Variants in ABLIM1 observed in about 807,000 individuals in gnomAD.
The protein encoded by ABLIM1 is actin binding LIM protein 1.
Under a neutral mutation model 107.0 loss-of-function variants are expected in ABLIM1, and 40 were observed. The ratio of observed to expected loss-of-function variants is 0.37; its 90% CI spans 0.29 to 0.49. The LOEUF (loss-of-function observed/expected upper bound fraction) is 0.49. ABLIM1 is among the 20% of genes least tolerant of loss of function. The pLI, the probability that ABLIM1 is intolerant of heterozygous loss-of-function variation, is 0.97. For missense variants in ABLIM1, 857 were observed against 1,008.5 expected, an observed-to-expected ratio of 0.85 and a Z score of 2.04; for synonymous variants, 357 against 357.3, an observed-to-expected ratio of 1.00 and a Z score of 0.01.
chr10:114,637,648 G>C (rs775093548), intron 1 of ABLIM1, among the ~76,000 whole-genome samples: 1 of 151,994 alleles, frequency 6.6e-6, no homozygotes, highest in Non-Finnish European at 1.5e-5. Flanking sequence ...AAATTACTAC[G>C]GTATATTTAA....
At chr10:114,445,183 T>C in intron 16 of ABLIM1, 129 bp downstream of exon 16, 1 of 787,398 alleles carries the variant, frequency 1.3e-6, no homozygotes, top group East Asian at 2.5e-5. Context: ...GCCTGCCAGA[T>C]TTCAAGCCCC....
At chr10:114,507,836 A>G (rs1262499017) in intron 6 of ABLIM1, among the ~76,000 whole-genome samples, 1 of 152,206 alleles carries the variant, frequency 6.6e-6, no homozygotes, top group East Asian at 1.9e-4. Context: ...AGGCTGTGCA[A>G]CCTAGGCTGA....
intron 2 of ABLIM1, among the ~76,000 whole-genome samples, chr10:114,575,840 T>A (rs2072455900): frequency 6.6e-6 from 1 of 152,162 alleles, no homozygotes; most frequent in African/African-American, 2.4e-5. Context: ...TGTCTAAAAT[T>A]CTGAGATAAT....
chr10:114,607,255 T>C (rs762736563), intron 1 of ABLIM1, among the ~76,000 whole-genome samples: 14 of 152,134 alleles, frequency 9.2e-5, no homozygotes, highest in Non-Finnish European at 2.1e-4. Context: ...GGAGACGGGG[T>C]TTCACCATGT....
intron 1 of ABLIM1, among the ~76,000 whole-genome samples, chr10:114,721,060 G>T (rs2081834405): frequency 6.6e-6 from 1 of 152,184 alleles, no homozygotes; most frequent in African/African-American, 2.4e-5. Context: ...CTACATAAAC[G>T]CCTGACCTGG....
chr10:114,616,831 C>A (rs975438150), intron 1 of ABLIM1, among the ~76,000 whole-genome samples: 1 of 152,168 alleles, frequency 6.6e-6, no homozygotes. Flanking sequence ...GGTGACCAGG[C>A]GTTGTTTTAA....
At chr10:114,576,395 G>A (rs2072553142) in intron 2 of ABLIM1, among the ~76,000 whole-genome samples, 1 of 152,198 alleles carries the variant, frequency 6.6e-6, no homozygotes, top group South Asian at 2.1e-4. Context: ...CCAAATGGCT[G>A]AGAAGCAACA....
intron 2 of ABLIM1, among the ~76,000 whole-genome samples, chr10:114,591,680 G>C (rs987991810): frequency 3.2e-4 from 48 of 152,130 alleles, no homozygotes; most frequent in Middle Eastern, 3.2e-3. Context: ...CCAAGTCTTA[G>C]CGACCTGGAT....
intron 6 of ABLIM1, among the ~76,000 whole-genome samples, chr10:114,532,029 C>T (rs367942749): frequency 6.6e-6 from 1 of 152,166 alleles, no homozygotes; most frequent in South Asian, 2.1e-4. Flanking sequence ...TGGCCAGGCT[C>T]GTCTCGAACT....
upstream of ABLIM1, among the ~76,000 whole-genome samples, chr10:114,689,124 T>C (rs1373533020): frequency 2.0e-5 from 3 of 152,138 alleles, no homozygotes; most frequent in Non-Finnish European, 4.4e-5. Context: ...TCTCACCTCA[T>C]GGCTACTGTA....
the ABLIM1 span, among the ~76,000 whole-genome samples, chr10:114,796,821 A>ACCTTGTTG: frequency 3.5e-4 from 53 of 151,940 alleles, 2 homozygotes; most frequent in South Asian, 0.011. Context: ...CCTCCACCCC[A>ACCTTGTTG]CCTTGTTGCT....
At chr10:114,725,766 T>C (rs1341128703) in intron 1 of ABLIM1, among the ~76,000 whole-genome samples, 1 of 151,294 alleles carries the variant, frequency 6.6e-6, no homozygotes, top group African/African-American at 2.4e-5. Flanking sequence ...TGTGTGTGTG[T>C]GTGTGTACTT....
chr10:114,539,073 T>C lies in ABLIM1; in HGVS notation c.894+5932A>G, dbSNP rs535113540. ...AACCTCTATCTAATCCAAAGAGGTATGGGGCTGGGCGCAGTGGCTCACGCC... is the reference window on the plus strand; with the variant it reads ...AACCTCTATCTAATCCAAAGAGGTACGGGGCTGGGCGCAGTGGCTCACGCC... On this transcript the variant is annotated intron_variant, in intron 6 of 22. Transcript: ENST00000533213. 1.3e-4 allele frequency among the ~76,000 whole-genome samples: 20 copies of C among 152,356 alleles called. No homozygotes were observed. In the South Asian group the frequency reaches 2.3e-3, roughly 17 times the overall value.
At chr10:114,556,976 T>A (rs1241374853) in intron 4 of ABLIM1, among the ~76,000 whole-genome samples, 2 of 152,230 alleles carry the variant, frequency 1.3e-5, no homozygotes, top group Admixed American at 1.3e-4. Context: ...TTTTAAAAAC[T>A]ACTTTTTAGC....
At chr10:114,487,898 G>C (rs780843575) in intron 8 of ABLIM1, 60 bp downstream of exon 8, 33 of 1,586,624 alleles carry the variant, frequency 2.1e-5, no homozygotes, top group Non-Finnish European at 2.8e-5. Context: ...CCAAGAATTA[G>C]TGACCACGAG....
chr10:114,535,343 C>T (rs1225477179), intron 6 of ABLIM1, among the ~76,000 whole-genome samples: 1 of 151,914 alleles, frequency 6.6e-6, no homozygotes, highest in African/African-American at 2.4e-5. Context: ...TGTTGTCTTG[C>T]TCTGTTGCCC....
At chr10:114,518,961 G>A (rs1415049706) in intron 6 of ABLIM1, among the ~76,000 whole-genome samples, 4 of 152,116 alleles carry the variant, frequency 2.6e-5, no homozygotes, top group African/African-American at 9.7e-5. Flanking sequence ...CATGGGAAAG[G>A]GAAGTTGTTT....
At chr10:114,515,865 G>A (rs867062439) in intron 6 of ABLIM1, among the ~76,000 whole-genome samples, 1 of 152,294 alleles carries the variant, frequency 6.6e-6, no homozygotes, top group South Asian at 2.1e-4. Flanking sequence ...GCCAGAAGCT[G>A]GAAGAGGCCA....
At chr10:114,681,397 G>A (rs140347189) in intron 1 of ABLIM1, among the ~76,000 whole-genome samples, 2,528 of 152,156 alleles carry the variant, frequency 0.017, 67 homozygotes, top group African/African-American at 0.056. Context: ...GTTTCACCAC[G>A]TTGGCCAGTC....
Sources: gnomAD v4.1 joint callset for allele counts (sites outside exome capture counted in the v4.1 genomes callset) on GRCh38, gnomAD v4.1.1 for gene constraint, MANE v1.5 for transcripts, NCBI Gene and HGNC (gene_info 2026-07-23, HGNC 2026-07-21) for gene names.